Variants in FARS2 observed in about 807,000 individuals in gnomAD.
FARS2 encodes phenylalanyl-tRNA synthetase 2, mitochondrial.
Under a neutral mutation model 46.4 loss-of-function variants are expected in FARS2, and 40 were observed. The observed-to-expected ratio is 0.86, with a 90% CI of 0.67 to 1.12. The LOEUF (loss-of-function observed/expected upper bound fraction) is 1.12, where lower values mean the gene tolerates loss of function less well. Ranked by LOEUF, FARS2 falls within the 50% of genes most tolerant of loss-of-function variation. The pLI is 0.00. For synonymous variants in FARS2, 234 were observed against 214.9 expected (o/e 1.09, Z -0.78); for missense variants, 513 against 567.9 (o/e 0.90, Z 0.98).
intron 6 of FARS2, among the ~76,000 whole-genome samples, chr6:5,675,563 A>G (rs941665778): frequency 6.6e-6 from 1 of 152,234 alleles, no homozygotes; most frequent in Non-Finnish European, 1.5e-5. Flanking sequence ...CTGTTCAGCT[A>G]GGATAAATCA....
chr6:5,618,861 A>G lies in FARS2; in HGVS notation c.1217+5541A>G, dbSNP rs143908473. 9.9e-4 allele frequency among the ~76,000 whole-genome samples: 151 copies of G among 152,344 alleles called. 3 individuals are homozygous for G. In the East Asian group the frequency reaches 0.028, roughly 29 times the overall value. On this transcript the variant is annotated intron_variant, in intron 6 of 6. Coordinates refer to ENST00000274680, the MANE Select transcript of FARS2 (RefSeq NM_006567.5). Reference sequence around the variant, plus strand: ...CCATGTCCTTTGACATCTTTGGAATATGGTACTATATGATGCATTGACTAA... The same window carrying G: ...CCATGTCCTTTGACATCTTTGGAATGTGGTACTATATGATGCATTGACTAA...
chr6:5,255,618 A>G, the FARS2 span, among the ~76,000 whole-genome samples: 1 of 152,146 alleles, frequency 6.6e-6, no homozygotes, highest in South Asian at 2.1e-4. Context: ...CACATTCTTA[A>G]ACTTTGTCTT....
At chr6:5,418,106 T>C (rs1340628134) in intron 3 of FARS2, among the ~76,000 whole-genome samples, 5 of 152,186 alleles carry the variant, frequency 3.3e-5, no homozygotes, top group Admixed American at 3.3e-4. Flanking sequence ...GTCTTTCTTC[T>C]AGCTTTTTGA....
rs1294345046 is a variant in FARS2, at chr6:5,679,484, TG to T, written c.1217+66166del. 2.0e-5 allele frequency among the ~76,000 whole-genome samples: 3 copies of T among 152,186 alleles called. No homozygotes were observed. In the East Asian group the frequency reaches 5.8e-4, roughly 29 times the overall value. ...TCCTGCCTCCTCCAGCTCTAAATTC[TG>T]GCTTCAAGACCCTCCTCCATCACCC... is the stretch of plus-strand genomic sequence containing the variant. On this transcript the variant is annotated intron_variant, in intron 6 of 6. Transcript: ENST00000274680.
chr6:5,319,462 G>A (rs2127561782), intron 1 of FARS2, among the ~76,000 whole-genome samples: 1 of 152,352 alleles, frequency 6.6e-6, no homozygotes, highest in East Asian at 1.9e-4. Flanking sequence ...CACTGCGTTT[G>A]CAGACAGCCC....
intron 1 of FARS2, among the ~76,000 whole-genome samples, chr6:5,273,266 A>G (rs962110051): frequency 2.6e-5 from 4 of 152,198 alleles, no homozygotes; most frequent in African/African-American, 9.7e-5. Flanking sequence ...TATTGGCTAT[A>G]CTAACTTATA....
chr6:5,510,869 C>T (rs145248154), intron 4 of FARS2, among the ~76,000 whole-genome samples: 5 of 152,022 alleles, frequency 3.3e-5, no homozygotes, highest in Admixed American at 1.3e-4. Context: ...AATGGCAGGC[C>T]GATGCCTAGG....
chr6:5,398,159 A>G (rs1761020971), intron 2 of FARS2, among the ~76,000 whole-genome samples: 1 of 152,120 alleles, frequency 6.6e-6, no homozygotes, highest in African/African-American at 2.4e-5. Flanking sequence ...AGACTGTGTA[A>G]ATAGTTCTCA....
intron 6 of FARS2, among the ~76,000 whole-genome samples, chr6:5,644,699 T>C (rs1776991169): frequency 6.6e-6 from 1 of 152,240 alleles, no homozygotes; most frequent in Non-Finnish European, 1.5e-5. Flanking sequence ...GCTTGGACAT[T>C]CTGAAGTTTG....
intron 6 of FARS2, among the ~76,000 whole-genome samples, chr6:5,695,923 G>A (rs6941135): frequency 0.96 from 145,491 of 152,328 alleles, 69,559 homozygotes; most frequent in African/African-American, 0.99. Context: ...TTCAACAGTC[G>A]GTGAGCACGA....
intron 1 of FARS2, among the ~76,000 whole-genome samples, chr6:5,308,896 C>T (rs909743181): frequency 6.6e-6 from 1 of 152,164 alleles, no homozygotes; most frequent in Non-Finnish European, 1.5e-5. Context: ...CTTTCTGGTT[C>T]ATAGATGGCA....
In FARS2 at chr6:5,327,948, T is replaced by C. The variant is rs565880998; in HGVS notation, c.-21-40602T>C. Among the ~76,000 whole-genome samples the C allele has an allele frequency of 2.3e-3, 344 of 152,318 alleles. 1 individual carries two copies. Among genetic ancestry groups the C allele is most frequent in the African/African-American group, 7.9e-3 (330 of 41,560 alleles). On this transcript the variant is annotated intron_variant, in intron 1 of 6. Coordinates refer to ENST00000274680, the MANE Select transcript of FARS2 (RefSeq NM_006567.5). ...TGTCCTGCACATTATTGAAATGACATGCTGACTACTGGTGTGTACAGATGA... is the reference window on the plus strand; with the variant it reads ...TGTCCTGCACATTATTGAAATGACACGCTGACTACTGGTGTGTACAGATGA...
intron 4 of FARS2, among the ~76,000 whole-genome samples, chr6:5,435,041 G>A (rs9405267): frequency 0.57 from 87,182 of 151,986 alleles, 25,572 homozygotes; most frequent in East Asian, 0.86. Flanking sequence ...GGTAGATGCT[G>A]TTATAACCCG....
intron 3 of FARS2, among the ~76,000 whole-genome samples, chr6:5,416,582 CT>C (rs754935204): frequency 6.6e-6 from 1 of 151,872 alleles, no homozygotes; most frequent in Non-Finnish European, 1.5e-5. Context: ...TAACTTTGTT[CT>C]TTTTTCAAAG....
intron 2 of FARS2, among the ~76,000 whole-genome samples, chr6:5,400,396 A>C (rs1761184791): frequency 6.6e-6 from 1 of 150,812 alleles, no homozygotes; most frequent in Non-Finnish European, 1.5e-5. Flanking sequence ...TTTTTTTGTC[A>C]GTTTTCAGGT....
At chr6:5,676,793 G>A (rs994607380) in intron 6 of FARS2, among the ~76,000 whole-genome samples, 5 of 152,152 alleles carry the variant, frequency 3.3e-5, no homozygotes, top group East Asian at 1.9e-4. Flanking sequence ...TGTATGCCCC[G>A]TCTTATGACT....
At chr6:5,292,671 G>GAA (rs1385559554) in intron 1 of FARS2, among the ~76,000 whole-genome samples, 1 of 152,204 alleles carries the variant, frequency 6.6e-6, no homozygotes, top group Non-Finnish European at 1.5e-5. Context: ...CCCAAGTGGA[G>GAA]AAGTCCTGCA....
Position 5,708,344 on chromosome 6 carries a change from A to G in FARS2, c.1218-62947A>G, listed in dbSNP as rs150738262. ...AGCATCATTTCACTCTCTTATCAGG[A>G]TGTGAGATCCAAGGGGACCTGTCAC... On this transcript the variant is annotated intron_variant, in intron 6 of 6. Coordinates refer to ENST00000274680, the MANE Select transcript of FARS2 (RefSeq NM_006567.5). Among the ~76,000 whole-genome samples the G allele has an allele frequency of 1.7e-3, 255 of 152,088 alleles. 2 individuals are homozygous for G. The highest frequency in any genetic ancestry group is 5.4e-3 in the African/African-American group (225 of 41,488).
chr6:5,486,921 C>T (rs1766808103), intron 4 of FARS2, among the ~76,000 whole-genome samples: 1 of 152,114 alleles, frequency 6.6e-6, no homozygotes, highest in South Asian at 2.1e-4. Context: ...AATCTTTGAT[C>T]AGTTGAATTG....
Sources: allele counts gnomAD v4.1 joint callset (sites outside exome capture counted in the v4.1 genomes callset), GRCh38; gene constraint gnomAD v4.1.1; transcripts MANE v1.5; gene names NCBI Gene and HGNC (gene_info 2026-07-23, HGNC 2026-07-21).